Variants in NCOA3 observed in about 807,000 individuals in gnomAD.
NCOA3 encodes nuclear receptor coactivator 3.
A neutral mutation model predicts 158.8 loss-of-function variants in NCOA3; 51 were observed. The ratio of observed to expected loss-of-function variants is 0.32; its 90% CI spans 0.26 to 0.41. The LOEUF is 0.41. NCOA3 is among the 10% of genes least tolerant of loss of function. The pLI, the probability that NCOA3 is intolerant of heterozygous loss-of-function variation, is 1.00. For synonymous variants in NCOA3, 537 were observed against 592.4 expected, an observed-to-expected ratio of 0.91 and a Z score of 1.36; for missense variants, 1,510 against 1,746.6, an observed-to-expected ratio of 0.86 and a Z score of 2.41.
intron 2 of NCOA3, among the ~76,000 whole-genome samples, chr20:47,618,688 C>G (rs1044167202): frequency 6.6e-6 from 1 of 152,126 alleles, no homozygotes; most frequent in Non-Finnish European, 1.5e-5. Flanking sequence ...TTAGGTTGGA[C>G]TCTGAAGGAG....
chr20:47,541,949 A>G (rs2084745269), intron 1 of NCOA3, among the ~76,000 whole-genome samples: 1 of 144,238 alleles, frequency 6.9e-6, no homozygotes, highest in Non-Finnish European at 1.5e-5. Flanking sequence ...CTGTTAATAT[A>G]GGTTTTCTCT....
chr20:47,508,609 A>G (rs1005550185), intron 1 of NCOA3, among the ~76,000 whole-genome samples: 1 of 152,220 alleles, frequency 6.6e-6, no homozygotes, highest in Non-Finnish European at 1.5e-5. Flanking sequence ...CTAAAGCCAT[A>G]TTATTTTACT....
At chr20:47,523,044 G>A (rs2084371378) in intron 1 of NCOA3, among the ~76,000 whole-genome samples, 1 of 152,070 alleles carries the variant, frequency 6.6e-6, no homozygotes, top group South Asian at 2.1e-4. Context: ...CAAAAAGCCA[G>A]GCGTGGTGGC....
Position 47,570,939 on chromosome 20 carries a change from T to TATACAC in NCOA3, c.-98-12243_-98-12242insTACACA, listed in dbSNP as rs369516174. On this transcript the variant is annotated intron_variant, in intron 1 of 22. Transcript: ENST00000371998. ...CACCGTTAATGAGCAGTAATATATA[T>TATACAC]ACACACACACACACACACACACACA... 4.1e-3 allele frequency among the ~76,000 whole-genome samples: 474 copies of TATACAC among 114,920 alleles called. 6 individuals are homozygous for TATACAC. The highest frequency in any genetic ancestry group is 0.016 in the African/African-American group (443 of 28,484). 75.4% of individuals were successfully genotyped at this position (114,920 alleles called of 152,430 possible).
At position 47,639,677 on chromosome 20, in the gene NCOA3, C is replaced by G; in HGVS notation, c.2808C>G (p.Asn936Lys). The part of the protein sequence containing the change: ...KAGRMEPMNS[N>K]SMGRPGGDYN... ...GCAGAATGGAACCTATGAATTCAAA[C>G]TCCATGGGAAGACCAGGAGGAGATT... The change falls in exon 15 of 23, where the codon AAC (asparagine) becomes AAG (lysine). Residue 936 changes from asparagine (N) to lysine (K), a missense_variant. Asn to Lys is a moderately conservative substitution (Grantham distance 94). Coordinates refer to ENST00000371998, the MANE Select transcript of NCOA3 (RefSeq NM_181659.3). 6.2e-7 allele frequency: 1 copy of G among 1,614,128 alleles called. No individual in the cohort carries two copies. Among genetic ancestry groups the G allele is most frequent in the Non-Finnish European group, 8.5e-7 (1 of 1,179,994 alleles).
At chr20:47,536,653 C>T (rs1464255754) in intron 1 of NCOA3, among the ~76,000 whole-genome samples, 1 of 151,970 alleles carries the variant, frequency 6.6e-6, no homozygotes, top group African/African-American at 2.4e-5. Flanking sequence ...GCTTTGAGTT[C>T]TTATTTATTT....
intron 4 of NCOA3, among the ~76,000 whole-genome samples, chr20:47,624,548 C>T (rs771791205): frequency 3.3e-5 from 5 of 152,164 alleles, no homozygotes; most frequent in Non-Finnish European, 7.3e-5. Flanking sequence ...ACAGATGAAA[C>T]TTTGCTCACT....
chr20:47,596,503 C>G (rs1473504012), intron 2 of NCOA3, among the ~76,000 whole-genome samples: 1 of 152,038 alleles, frequency 6.6e-6, no homozygotes, highest in African/African-American at 2.4e-5. Context: ...TTTTATTGCT[C>G]TAAAGTTTTA....
intron 1 of NCOA3, among the ~76,000 whole-genome samples, chr20:47,575,195 A>G (rs1164622749): frequency 6.6e-6 from 1 of 152,208 alleles, no homozygotes; most frequent in Non-Finnish European, 1.5e-5. Context: ...TTCAGAACAC[A>G]CAAAAAAGCT....
intron 2 of NCOA3, among the ~76,000 whole-genome samples, chr20:47,588,251 C>T (rs1463688045): frequency 6.7e-6 from 1 of 149,534 alleles, no homozygotes; most frequent in Non-Finnish European, 1.5e-5. Context: ...TCTTCTGCCT[C>T]AGCCTCCTGA....
At position 47,635,870 on chromosome 20, in the gene NCOA3, TA is replaced by T. The variant is rs1298736685; in HGVS notation, c.1505-18del. ...GTGTCTGGTAGTCTAATTCTTTTCC[TA>T]AATTTTTTTTCAAATTCAGGTGTGC... On this transcript the variant is annotated intron_variant, in intron 11 of 22. Transcript: ENST00000371998. 1.9e-6 allele frequency: 3 copies of T among 1,571,576 alleles called. No homozygotes were observed. In the African/African-American group the frequency reaches 4.1e-5, roughly 22 times the overall value.
intron 1 of NCOA3, among the ~76,000 whole-genome samples, chr20:47,526,731 G>C (rs1418040200): frequency 2.6e-5 from 4 of 152,194 alleles, no homozygotes. Context: ...GCTTCGGCTC[G>C]GCATCAGAGG....
chr20:47,560,518 ATGAAT>A (rs1479220326), intron 1 of NCOA3, among the ~76,000 whole-genome samples: 2 of 152,214 alleles, frequency 1.3e-5, no homozygotes, highest in Non-Finnish European at 2.9e-5. Context: ...CTCACCAGCA[ATGAAT>A]TAGAGTTCCT....
intron 5 of NCOA3, among the ~76,000 whole-genome samples, chr20:47,626,049 A>G (rs890738489): frequency 1.3e-5 from 2 of 152,170 alleles, no homozygotes; most frequent in African/African-American, 4.8e-5. Flanking sequence ...CTTGGAACCA[A>G]CCTTACACAG....
intron 1 of NCOA3, among the ~76,000 whole-genome samples, chr20:47,524,168 G>A (rs1288318831): frequency 1.3e-5 from 2 of 152,180 alleles, no homozygotes; most frequent in South Asian, 2.1e-4. Context: ...GAGGCCTACA[G>A]CCTGATTTCT....
In NCOA3 at chr20:47,633,627, T is replaced by C. The variant is rs1351082679; in HGVS notation, c.955T>C (p.Tyr319His). The change falls in exon 9 of 23, where the codon TAT (tyrosine) becomes CAT (histidine). Residue 319 changes from tyrosine to histidine, a missense_variant. Around this residue, in one of 4 missense-constraint regions of NCOA3, gnomAD observed 309 missense variants for 427.1 expected, o/e 0.72. Transcript: ENST00000371998. ...DGQSWSQKRHYQEAYLNGHAE... is the reference protein window; with the variant it reads ...DGQSWSQKRHHQEAYLNGHAE... Reference sequence around the variant, plus strand: ...GCAGTCATGGTCCCAGAAACGTCACTATCAAGAAGGTAAAGAATTTTGGGG... The same window carrying C: ...GCAGTCATGGTCCCAGAAACGTCACCATCAAGAAGGTAAAGAATTTTGGGG... The C allele has an allele frequency of 1.2e-6, 2 of 1,610,990 alleles. No individual in the cohort carries two copies.
In NCOA3 at chr20:47,637,663, G is replaced by A. The variant is rs1158054602; in HGVS notation, c.2392G>A (p.Asp798Asn). The change falls in exon 13 of 23, where the codon GAT (aspartate) becomes AAT (asparagine). Residue 798 changes from aspartate (D) to asparagine (N), a missense_variant. This residue lies in a region of NCOA3 where 1,017 missense variants were observed against 1,098.3 expected (regional missense o/e 0.93). Coordinates refer to ENST00000371998, the MANE Select transcript of NCOA3 (RefSeq NM_181659.3). Reference sequence around the variant, plus strand: ...TTATTTTCAGGGATCTGGAGACTTGGATAATCTAGATGCTATTCTTGGTGA... The same window carrying A: ...TTATTTTCAGGGATCTGGAGACTTGAATAATCTAGATGCTATTCTTGGTGA... ...ETSEEGSGDLDNLDAILGDLT... is the reference protein window; with the variant it reads ...ETSEEGSGDLNNLDAILGDLT... The A allele has an allele frequency of 1.6e-5, 26 of 1,604,386 alleles. No individual in the cohort carries two copies. Among genetic ancestry groups the A allele is most frequent in the Middle Eastern group, 3.3e-4 (2 of 6,036 alleles).
chr20:47,604,704 C>T (rs1178741348), intron 2 of NCOA3, among the ~76,000 whole-genome samples: 1 of 152,172 alleles, frequency 6.6e-6, no homozygotes, highest in East Asian at 1.9e-4. Flanking sequence ...TTCCAAAGTG[C>T]TGGCAATGTA....
Position 47,640,434 on chromosome 20 carries a change from ACT to A in NCOA3, c.3080+384_3080+385del, listed in dbSNP as rs1491168826. Among the ~76,000 whole-genome samples, 7 of 152,298 alleles carry A rather than the reference ACT, an allele frequency of 4.6e-5. No individual in the cohort carries two copies. In the East Asian group the frequency reaches 9.6e-4, roughly 21 times the overall value. Reference sequence around the variant, plus strand: ...TAGCCTCAGTTTTCCAGAAAATTAAACTTTTTTAAAAAAACTTTTCTTTTCCC... The same window carrying A: ...TAGCCTCAGTTTTCCAGAAAATTAAATTTTTAAAAAAACTTTTCTTTTCCC... On this transcript the variant is annotated intron_variant, in intron 16 of 22. Coordinates refer to ENST00000371998, the MANE Select transcript of NCOA3 (RefSeq NM_181659.3).
Sources: allele counts gnomAD v4.1 joint callset (sites outside exome capture counted in the v4.1 genomes callset), GRCh38; gene constraint gnomAD v4.1.1; regional missense constraint gnomAD v4.1.1; transcripts MANE v1.5; gene names NCBI Gene and HGNC (gene_info 2026-07-23, HGNC 2026-07-21).